Variants in FANCD2 observed in about 807,000 individuals in gnomAD.
FANCD2 encodes Fanconi anemia group D2 protein.
FANCD2 carries 131 observed loss-of-function variants against 192.3 expected under a neutral mutation model. That is an observed-to-expected ratio of 0.68 (90% CI 0.59 to 0.79). The LOEUF (loss-of-function observed/expected upper bound fraction) is 0.79. Ranked by LOEUF, FANCD2 falls within the 30% of genes least tolerant of loss-of-function variation. The pLI, the probability that FANCD2 is intolerant of heterozygous loss-of-function variation, is 0.00. For missense variants in FANCD2, 1,508 were observed against 1,701.6 expected (o/e 0.89, Z 2.00); for synonymous variants, 524 against 612.5 (o/e 0.86, Z 2.13).
rs144788884 is a variant in FANCD2 at position 10,083,205 on chromosome 3, C to A, written c.3224+1741C>A. 3.0e-3 allele frequency among the ~76,000 whole-genome samples: 445 copies of A among 150,304 alleles called. 4 individuals carry two copies. Among genetic ancestry groups the A allele is most frequent in the African/African-American group, 0.01 (424 of 40,822 alleles). On this transcript the variant is annotated intron_variant, in intron 32 of 43. Coordinates refer to ENST00000675286, the MANE Select transcript of FANCD2 (RefSeq NM_001018115.3). ...TTGCAACACTGCACTCCAACCTGGG[C>A]AACAGAACCAGACCCCATCTCAAAA...
chr3:10,066,811 G>A (rs746732289), intron 25 of FANCD2, among the ~76,000 whole-genome samples: 3 of 152,070 alleles, frequency 2.0e-5, no homozygotes, highest in South Asian at 2.1e-4. Flanking sequence ...TGCAACCTCC[G>A]CCTCCCAGGT....
chr3:10,061,269 T>A (rs370173134), intron 19 of FANCD2, among the ~76,000 whole-genome samples: 28 of 152,378 alleles, frequency 1.8e-4, no homozygotes, highest in African/African-American at 6.7e-4. Context: ...AACGTACTTT[T>A]ATACTTTCTC....
chr3:10,086,678 CAT>C (rs1314513493), intron 33 of FANCD2, among the ~76,000 whole-genome samples: 3 of 152,084 alleles, frequency 2.0e-5, no homozygotes, highest in South Asian at 4.1e-4. Context: ...ATGTTTTCGA[CAT>C]GTGGCCAGGC....
chr3:10,043,198 A>G (rs781516315), intron 12 of FANCD2, 48 bp downstream of exon 12: 1 of 1,380,302 alleles, frequency 7.2e-7, no homozygotes, highest in Non-Finnish European at 1.0e-6. Context: ...CTGACATCCC[A>G]CTGTCAGAGT....
intron 18 of FANCD2, among the ~76,000 whole-genome samples, chr3:10,054,705 G>C (rs911055057): frequency 2.0e-5 from 3 of 150,316 alleles, no homozygotes; most frequent in Non-Finnish European, 3.0e-5. Flanking sequence ...GGATGGTCTT[G>C]ATCTCCTGAC....
chr3:10,042,521 A>T, intron 10 of FANCD2, 38 bp from the exon 11 acceptor site: 1 of 1,487,634 alleles, frequency 6.7e-7, no homozygotes, highest in African/African-American at 1.4e-5. Flanking sequence ...AGGTAGTGAC[A>T]TGAAAACCTA....
intron 18 of FANCD2, among the ~76,000 whole-genome samples, chr3:10,054,349 AT>A (rs2087311708): frequency 7.7e-6 from 1 of 129,192 alleles, no homozygotes; most frequent in African/African-American, 3.4e-5. Context: ...ATATATATAT[AT>A]ACGTATATAT....
intron 26 of FANCD2, among the ~76,000 whole-genome samples, chr3:10,069,596 C>T (rs926632080): frequency 9.2e-5 from 14 of 151,474 alleles, no homozygotes; most frequent in African/African-American, 1.5e-4. Flanking sequence ...CGAGTGCCTG[C>T]GATTGCAGGC....
intron 1 of FANCD2, among the ~76,000 whole-genome samples, chr3:10,028,079 A>G (rs1266098254): frequency 6.7e-6 from 1 of 149,876 alleles, no homozygotes; most frequent in Non-Finnish European, 1.5e-5. Context: ...ATTCAAGGAG[A>G]TTGTCCCTAA....
At chr3:10,038,567 A>C (rs2086786401) in intron 7 of FANCD2, among the ~76,000 whole-genome samples, 1 of 150,880 alleles carries the variant, frequency 6.6e-6, no homozygotes, top group Non-Finnish European at 1.5e-5. Flanking sequence ...TTCCCTTAGC[A>C]ATATATGCTT....
chr3:10,067,645 A>C (rs1283090379), intron 26 of FANCD2, among the ~76,000 whole-genome samples: 2 of 152,186 alleles, frequency 1.3e-5, no homozygotes, highest in Non-Finnish European at 2.9e-5. Flanking sequence ...TAAACATACA[A>C]AAATTAGCCA....
intron 30 of FANCD2, among the ~76,000 whole-genome samples, chr3:10,080,679 G>A (rs984239073): frequency 1.3e-5 from 2 of 152,200 alleles, no homozygotes; most frequent in African/African-American, 2.4e-5. Flanking sequence ...GCTGAGGTGA[G>A]AGGATCACTT....
chr3:10,092,492 C>T (rs1295089903), intron 38 of FANCD2, among the ~76,000 whole-genome samples: 1 of 150,942 alleles, frequency 6.6e-6, no homozygotes, highest in African/African-American at 2.4e-5. Flanking sequence ...TTTAATGACT[C>T]CTTCCATCTG....
Position 10,064,855 on chromosome 3 carries a change from C to G in FANCD2, c.2148C>G (p.Thr716=), listed in dbSNP as rs55856815. 19,456 of 1,613,540 alleles carry G rather than the reference C, an allele frequency of 0.012. 92 individuals are homozygous for G. Among genetic ancestry groups the G allele is most frequent in the Non-Finnish European group, 0.014 (16,882 of 1,179,474 alleles). Residue 716 remains threonine, a synonymous_variant, in exon 23 of 44, where the codon ACC becomes ACG. Coordinates refer to ENST00000675286, the MANE Select transcript of FANCD2 (RefSeq NM_001018115.3). ...QDFAKDGGPV[T]SQESGQKLVS... is the part of the protein sequence containing the mutation. Reference sequence around the variant, plus strand: ...TTGCAAAAGATGGGGGTCCGGTGACCTCACAGGAATCAGGCCAAAAGTCAG... The same window carrying G: ...TTGCAAAAGATGGGGGTCCGGTGACGTCACAGGAATCAGGCCAAAAGTCAG...
chr3:10,094,993 AGATT>A, intron 40 of FANCD2: 1 of 589,776 alleles, frequency 1.7e-6, no homozygotes. Context: ...TATAACTCTC[AGATT>A]GATACAAGGG....
intron 14 of FANCD2, chr3:10,045,385 G>A (rs1361687407): frequency 1.3e-5 from 2 of 152,138 alleles, no homozygotes; most frequent in Non-Finnish European, 2.9e-5. Flanking sequence ...AGCCAGGATG[G>A]TCTCAATCTC....
At chr3:10,097,399 G>T (rs562159676) in intron 42 of FANCD2, among the ~76,000 whole-genome samples, 7 of 151,970 alleles carry the variant, frequency 4.6e-5, no homozygotes, top group African/African-American at 1.7e-4. Flanking sequence ...AGGTACACCC[G>T]GGGGGGCCCA....
intron 20 of FANCD2, among the ~76,000 whole-genome samples, chr3:10,063,527 T>G (rs1463308620): frequency 6.6e-6 from 1 of 152,154 alleles, no homozygotes; most frequent in Non-Finnish European, 1.5e-5. Context: ...TAGGCAGAGG[T>G]ATTCCTTAAG....
intron 42 of FANCD2, among the ~76,000 whole-genome samples, chr3:10,097,413 C>T (rs1232870678): frequency 6.6e-6 from 1 of 152,176 alleles, no homozygotes; most frequent in Non-Finnish European, 1.5e-5. Flanking sequence ...GGGCCCAGTT[C>T]AGAGACCTAC....
Sources: allele counts gnomAD v4.1 joint callset (sites outside exome capture counted in the v4.1 genomes callset), GRCh38; gene constraint gnomAD v4.1.1; transcripts MANE v1.5; gene names NCBI Gene and HGNC (gene_info 2026-07-23, HGNC 2026-07-21).